Variants in RNF122 observed in about 807,000 individuals in gnomAD.
RNF122 encodes ring finger protein 122.
In RNF122, 17 loss-of-function variants were observed where a neutral mutation model predicts 24.2. The ratio of observed to expected loss-of-function variants is 0.70; its 90% CI spans 0.48 to 1.06. The LOEUF is 1.06. RNF122 is among the 50% of genes least tolerant of loss of function. The probability of loss-of-function intolerance (pLI) is 0.00; values close to 1 mark genes in which losing one functional copy is unlikely to be tolerated. For synonymous variants in RNF122, 65 were observed against 71.8 expected, an observed-to-expected ratio of 0.91 and a Z score of 0.48; for missense variants, 168 against 198.1, an observed-to-expected ratio of 0.85 and a Z score of 0.91.
chr8:33,548,588 G>T lies in RNF122; in HGVS notation c.*165C>A. 1 of 558,156 alleles carries T rather than the reference G, an allele frequency of 1.8e-6. No homozygotes were observed. 34.6% of individuals were successfully genotyped at this position (558,156 alleles called of 1,614,324 possible). On this transcript the variant is annotated 3_prime_UTR_variant, in exon 6 of 6. Coordinates refer to ENST00000256257, the MANE Select transcript of RNF122 (RefSeq NM_024787.3). Reference sequence around the variant, plus strand: ...GAGGCAGGAAGTGGGGGCACATCTGGCACTGGTCTTGCACTGAGGGTAGAA... The same window carrying T: ...GAGGCAGGAAGTGGGGGCACATCTGTCACTGGTCTTGCACTGAGGGTAGAA...
intron 5 of RNF122, 100 bp from the exon 6 acceptor site, chr8:33,548,967 T>C (rs1810330819): frequency 2.3e-6 from 2 of 869,364 alleles, no homozygotes; most frequent in Non-Finnish European, 1.9e-6. Context: ...ACAACTGTAA[T>C]CCCAGCACTT....
intron 1 of RNF122, among the ~76,000 whole-genome samples, chr8:33,560,293 C>A (rs376367992): frequency 1.3e-5 from 2 of 152,204 alleles, no homozygotes; most frequent in South Asian, 2.1e-4. Context: ...TCCCTTCCCC[C>A]CTTGCCAGTA....
intron 1 of RNF122, among the ~76,000 whole-genome samples, chr8:33,560,533 C>G (rs925304152): frequency 2.6e-5 from 4 of 151,896 alleles, no homozygotes; most frequent in African/African-American, 7.3e-5. Context: ...AGCCACTGCA[C>G]CCGGCAGGTT....
chr8:33,552,307 G>A (rs1322344198), intron 2 of RNF122, among the ~76,000 whole-genome samples: 1 of 152,136 alleles, frequency 6.6e-6, no homozygotes, highest in Non-Finnish European at 1.5e-5. Flanking sequence ...ACTGAGGCAG[G>A]AGAATCGATT....
At chr8:33,551,548 G>C (rs572399941) in intron 2 of RNF122, among the ~76,000 whole-genome samples, 159 bp from the exon 3 acceptor site, 1 of 152,214 alleles carries the variant, frequency 6.6e-6, no homozygotes, top group Non-Finnish European at 1.5e-5. Context: ...AGCCAACAAG[G>C]GTTGATAAAG....
chr8:33,566,407 AG>A (rs1178818840), intron 1 of RNF122, among the ~76,000 whole-genome samples: 1 of 152,208 alleles, frequency 6.6e-6, no homozygotes, highest in African/African-American at 2.4e-5. Flanking sequence ...AGGCAGGGGA[AG>A]GGGGTAGAAG....
intron 4 of RNF122, among the ~76,000 whole-genome samples, chr8:33,550,734 G>A (rs1023256112): frequency 1.3e-5 from 2 of 152,140 alleles, no homozygotes; most frequent in East Asian, 1.9e-4. Context: ...GCTGAATTCT[G>A]TCTATGGCAT....
In RNF122 at chr8:33,556,179, C is replaced by CAA. The variant is rs538829399; in HGVS notation, c.182+2434_182+2435dup. ...TGGGCAACAGAGCAAGACCCTGTCT[C>CAA]AAAAAAAAAAAAAAAAAAAAAAAAA... On this transcript the variant is annotated intron_variant, in intron 2 of 5. Transcript: ENST00000256257. Among the ~76,000 whole-genome samples the CAA allele has an allele frequency of 6.3e-3, 208 of 33,132 alleles. 3 individuals are homozygous for CAA. Among genetic ancestry groups the CAA allele is most frequent in the Middle Eastern group, 0.026 (2 of 78 alleles). The allele number at this position is 33,132 out of a possible 152,430, so 21.7% of individuals were successfully genotyped here.
intron 1 of RNF122, among the ~76,000 whole-genome samples, chr8:33,563,247 C>T (rs2128840678): frequency 6.6e-6 from 1 of 152,258 alleles, no homozygotes; most frequent in Non-Finnish European, 1.5e-5. Context: ...TAAATAATTC[C>T]CCATTTTCTT....
intron 4 of RNF122, 77 bp downstream of exon 4, chr8:33,550,967 C>T: frequency 7.0e-7 from 1 of 1,423,552 alleles, no homozygotes. Flanking sequence ...TGAAAAGCGT[C>T]CAGGCAGAGA....
At chr8:33,555,101 A>C (rs1051081564) in intron 2 of RNF122, among the ~76,000 whole-genome samples, 1 of 152,156 alleles carries the variant, frequency 6.6e-6, no homozygotes, top group Non-Finnish European at 1.5e-5. Context: ...GTGACGAAGG[A>C]GATTACTAAA....
At chr8:33,565,401 A>C (rs1810607578) in intron 1 of RNF122, among the ~76,000 whole-genome samples, 1 of 151,784 alleles carries the variant, frequency 6.6e-6, no homozygotes, top group African/African-American at 2.4e-5. Context: ...CCCTGTAACT[A>C]GCTCGCTTGC....
chr8:33,556,924 G>A (rs773303793), intron 2 of RNF122, among the ~76,000 whole-genome samples: 6 of 152,192 alleles, frequency 3.9e-5, no homozygotes, highest in Non-Finnish European at 7.3e-5. Flanking sequence ...CTTCTTAGAG[G>A]GAGCTCTTCC....
chr8:33,566,798 G>C lies in RNF122; in HGVS notation c.-75C>G, dbSNP rs548767834. On this transcript the variant is annotated 5_prime_UTR_variant, in exon 1 of 6. Coordinates refer to ENST00000256257, the MANE Select transcript of RNF122 (RefSeq NM_024787.3). Reference sequence around the variant, plus strand: ...CCAGGAGGGCGGGGTGGGAGCACTAGCGGCGTGAGGGGCCGCAGGCGGGGT... The same window carrying C: ...CCAGGAGGGCGGGGTGGGAGCACTACCGGCGTGAGGGGCCGCAGGCGGGGT... 8.5e-6 allele frequency: 13 copies of C among 1,529,798 alleles called. No homozygotes were observed. The highest frequency in any genetic ancestry group is 5.5e-5 in the African/African-American group (4 of 73,374). The allele number at this position is 1,529,798 out of a possible 1,614,324, so 94.8% of individuals were successfully genotyped here.
intron 1 of RNF122, among the ~76,000 whole-genome samples, chr8:33,563,697 A>C (rs1229095156): frequency 6.6e-6 from 1 of 152,144 alleles, no homozygotes; most frequent in East Asian, 1.9e-4. Context: ...CCCTTCCAAC[A>C]AGACCTGGTG....
intron 4 of RNF122, among the ~76,000 whole-genome samples, chr8:33,549,871 TGGTGATG>T (rs1443450315): frequency 6.6e-6 from 1 of 151,832 alleles, no homozygotes; most frequent in African/African-American, 2.4e-5. Flanking sequence ...CCAATACATT[TGGTGATG>T]TGGCACTTAA....
chr8:33,558,781 G>GA lies in RNF122; in HGVS notation c.26-11dup. On this transcript the variant is annotated splice_polypyrimidine_tract_variant and intron_variant, in intron 1 of 5. Coordinates refer to ENST00000256257, the MANE Select transcript of RNF122 (RefSeq NM_024787.3). The stretch of plus-strand genomic sequence containing the variant: ...AGGCCACAGAAACACCCTGCAAAGG[G>GA]AGAGAAAAAAAAATCATTAGGGTTG... 1 of 1,486,594 alleles carries GA rather than the reference G, an allele frequency of 6.7e-7. No homozygotes were observed. The allele number at this position is 1,486,594 out of a possible 1,614,324, so 92.1% of individuals were successfully genotyped here. A position where few individuals can be genotyped will look rare whatever the true frequency, so the allele number is the denominator to read the frequency against.
Position 33,551,386 on chromosome 8 carries a change from T to G in RNF122, c.186A>C (p.Lys62Asn). ...GCTCACTCTGTGCCTGGTTCCGCAG[T>G]TTGCTGGGAGAAAGAGAAAAAAATT... ...SLIFCCYFIS[K>N]LRNQAQSERY... The change falls in exon 3 of 6, where the codon AAA becomes AAC. Residue 62 changes from lysine to asparagine, a missense_variant. Lys to Asn is a moderately conservative substitution (Grantham distance 94). Coordinates refer to ENST00000256257, the MANE Select transcript of RNF122 (RefSeq NM_024787.3). 6.2e-7 allele frequency: 1 copy of G among 1,614,070 alleles called. No homozygotes were observed. Among genetic ancestry groups the G allele is most frequent in the East Asian group, 2.2e-5 (1 of 44,876 alleles).
chr8:33,558,641 G>A lies in RNF122; in HGVS notation c.156C>T (p.Ser52=), dbSNP rs1460641245. ...TGATAAAATAGCAGCAGAAGATAAGGCTGAGCATGAAGACAAAGATGCCTG... is the reference window on the plus strand; with the variant it reads ...TGATAAAATAGCAGCAGAAGATAAGACTGAGCATGAAGACAAAGATGCCTG... The part of the protein sequence containing the change: ...FGTGIFVFML[S]LIFCCYFISK... Residue 52 remains serine (S), a synonymous_variant, in exon 2 of 6, where the codon AGC becomes AGT. Transcript: ENST00000256257. 8.1e-6 allele frequency: 13 copies of A among 1,611,284 alleles called. No individual in the cohort carries two copies. Among genetic ancestry groups the A allele is most frequent in the Admixed American group, 3.3e-5 (2 of 59,778 alleles).
Sources: allele counts gnomAD v4.1 joint callset (sites outside exome capture counted in the v4.1 genomes callset), GRCh38; gene constraint gnomAD v4.1.1; transcripts MANE v1.5; gene names NCBI Gene and HGNC (gene_info 2026-07-23, HGNC 2026-07-21).